The following CCDC148 variants were observed in gnomAD, a reference collection of about 807,000 sequenced individuals.
CCDC148 encodes the protein coiled-coil domain-containing protein 148.
CCDC148 carries 89 observed loss-of-function variants against 85.7 expected under a neutral mutation model. The observed-to-expected ratio is 1.04, with a 90% CI of 0.87 to 1.24. CCDC148 has a LOEUF of 1.24. Ranked by LOEUF, CCDC148 falls within the 50% of genes most tolerant of loss-of-function variation. The pLI, the probability that CCDC148 is intolerant of heterozygous loss-of-function variation, is 0.00. For missense variants in CCDC148, 692 were observed against 671.7 expected (o/e 1.03, Z -0.33); for synonymous variants, 230 against 213.9 (o/e 1.08, Z -0.66).
intron 1 of CCDC148, among the ~76,000 whole-genome samples, chr2:158,448,349 T>A (rs528501102): frequency 3.0e-4 from 45 of 152,188 alleles, no homozygotes; most frequent in African/African-American, 1.0e-3. Context: ...CATTTTATTT[T>A]TTTTTTATTT....
At chr2:158,392,286 A>G (rs1231418580) in intron 1 of CCDC148, among the ~76,000 whole-genome samples, 1 of 152,164 alleles carries the variant, frequency 6.6e-6, no homozygotes, top group African/African-American at 2.4e-5. Flanking sequence ...ATTCTGCAAC[A>G]GCTCTGGGCA....
intron 10 of CCDC148, 86 bp downstream of exon 10, chr2:158,250,686 A>T (rs1688752670): frequency 1.4e-6 from 2 of 1,438,436 alleles, no homozygotes; most frequent in Non-Finnish European, 9.1e-7. Context: ...GCTTATGAGA[A>T]TTTCATGCCA....
intron 1 of CCDC148, among the ~76,000 whole-genome samples, chr2:158,391,874 G>A (rs1038679123): frequency 4.6e-5 from 7 of 152,048 alleles, no homozygotes; most frequent in Admixed American, 2.0e-4. Flanking sequence ...TTGGTAACAG[G>A]GGCACAAGTG....
At chr2:158,340,551 C>A (rs1268727244) in intron 4 of CCDC148, 47 bp downstream of exon 4, 1 of 1,450,210 alleles carries the variant, frequency 6.9e-7, no homozygotes, top group Non-Finnish European at 9.4e-7. Context: ...CATTCTCATT[C>A]TTCAAAATAA....
chr2:158,374,184 A>G (rs764804920), intron 1 of CCDC148, among the ~76,000 whole-genome samples: 1 of 152,062 alleles, frequency 6.6e-6, no homozygotes, highest in Non-Finnish European at 1.5e-5. Flanking sequence ...AAGAAAACAC[A>G]TGCCCGCTTT....
At chr2:158,411,686 A>T (rs1686266841) in intron 1 of CCDC148, among the ~76,000 whole-genome samples, 1 of 151,940 alleles carries the variant, frequency 6.6e-6, no homozygotes, top group Non-Finnish European at 1.5e-5. Context: ...GTAGATCCCC[A>T]TTTCTTTGGG....
In CCDC148 at chr2:158,345,201, C is replaced by T. The variant is rs1682931916; in HGVS notation, c.251+14G>A. On this transcript the variant is annotated intron_variant, in intron 3 of 13. Coordinates refer to ENST00000283233, the MANE Select transcript of CCDC148 (RefSeq NM_138803.4). ...TAATTCCTACGTGTTCTTACTATGT[C>T]CCCCAGTTCTTACCTGACTTCATTC... 4 of 1,586,678 alleles carry T rather than the reference C, an allele frequency of 2.5e-6. No individual in the cohort carries two copies. The highest frequency in any genetic ancestry group is 3.5e-6 in the Non-Finnish European group (4 of 1,157,330).
chr2:158,296,113 C>G (rs903036800), intron 9 of CCDC148, among the ~76,000 whole-genome samples: 1 of 152,132 alleles, frequency 6.6e-6, no homozygotes, highest in Non-Finnish European at 1.5e-5. Flanking sequence ...TTTAGGGATA[C>G]TACATTTGGT....
At chr2:158,288,829 A>G (rs1690756634) in intron 9 of CCDC148, 1 of 363,282 alleles carries the variant, frequency 2.8e-6, no homozygotes, top group South Asian at 2.2e-5. Context: ...ATAAAGACAT[A>G]CCTGAGACTG....
chr2:158,250,108 T>TG (rs1158898084), intron 10 of CCDC148, among the ~76,000 whole-genome samples: 1 of 152,042 alleles, frequency 6.6e-6, no homozygotes, highest in Non-Finnish European at 1.5e-5. Flanking sequence ...ATTTTTGTGG[T>TG]GGGAAAAAAC....
At chr2:158,228,815 G>C (rs1375311470) in intron 10 of CCDC148, among the ~76,000 whole-genome samples, 1 of 143,938 alleles carries the variant, frequency 6.9e-6, no homozygotes, top group South Asian at 2.4e-4. Flanking sequence ...TTGTGGGGTT[G>C]GGGGGAGGGG....
chr2:158,427,745 C>T (rs2105329440), intron 1 of CCDC148, among the ~76,000 whole-genome samples: 1 of 152,156 alleles, frequency 6.6e-6, no homozygotes, highest in East Asian at 1.9e-4. Context: ...TAGCACATGC[C>T]TATAATCTCA....
chr2:158,219,416 C>T (rs1687055530), intron 11 of CCDC148, among the ~76,000 whole-genome samples: 1 of 152,152 alleles, frequency 6.6e-6, no homozygotes, highest in Admixed American at 6.5e-5. Context: ...CTCTATCTAT[C>T]CCTACAACTG....
At chr2:158,431,324 T>C (rs1224033917) in intron 1 of CCDC148, among the ~76,000 whole-genome samples, 2 of 151,690 alleles carry the variant, frequency 1.3e-5, no homozygotes, top group Non-Finnish European at 2.9e-5. Flanking sequence ...TAAAAAAATC[T>C]TAAAAACTTC....
intron 9 of CCDC148, among the ~76,000 whole-genome samples, chr2:158,261,598 G>T (rs1380252851): frequency 1.3e-5 from 2 of 152,070 alleles, no homozygotes; most frequent in Non-Finnish European, 2.9e-5. Context: ...CAGAATGGGA[G>T]AAAATATTTG....
intron 10 of CCDC148, among the ~76,000 whole-genome samples, chr2:158,241,765 C>T (rs765389466): frequency 1.3e-4 from 20 of 152,060 alleles, no homozygotes; most frequent in Admixed American, 3.9e-4. Context: ...GGAGGACATT[C>T]GTACCAATAC....
chr2:158,211,547 A>G (rs1006771678), intron 11 of CCDC148, among the ~76,000 whole-genome samples: 1 of 152,372 alleles, frequency 6.6e-6, no homozygotes, highest in Admixed American at 6.5e-5. Flanking sequence ...AGACAGATCA[A>G]CTTAGCACAC....
chr2:158,425,192 C>T (rs1687019010), intron 1 of CCDC148: 5 of 531,074 alleles, frequency 9.4e-6, no homozygotes, highest in Non-Finnish European at 1.9e-5. Context: ...CTGGGTATAA[C>T]TATAGGAACC....
chr2:158,425,894 A>T (rs1452507928), intron 1 of CCDC148, among the ~76,000 whole-genome samples: 1 of 152,156 alleles, frequency 6.6e-6, no homozygotes, highest in Non-Finnish European at 1.5e-5. Flanking sequence ...TTTCTAGTAG[A>T]CCATGTGTCC....
Sources: allele counts gnomAD v4.1 joint callset (sites outside exome capture counted in the v4.1 genomes callset), GRCh38; gene constraint gnomAD v4.1.1; transcripts MANE v1.5; gene names NCBI Gene and HGNC (gene_info 2026-07-23, HGNC 2026-07-21).